The following SLC44A1 variants were observed in gnomAD, a reference collection of about 807,000 sequenced individuals.
SLC44A1 encodes the protein solute carrier family 44 member 1.
Under a neutral mutation model 79.3 loss-of-function variants are expected in SLC44A1, and 26 were observed. The observed-to-expected ratio is 0.33, with a 90% CI of 0.24 to 0.46. The LOEUF (loss-of-function observed/expected upper bound fraction) is 0.46. Ranked by LOEUF, SLC44A1 falls within the 20% of genes least tolerant of loss-of-function variation. The probability of loss-of-function intolerance (pLI) is 1.00; values close to 1 mark genes in which losing one functional copy is unlikely to be tolerated. For missense variants in SLC44A1, 688 were observed against 798.1 expected (o/e 0.86, Z 1.66); for synonymous variants, 263 against 286.2 (o/e 0.92, Z 0.82).
intron 13 of SLC44A1, among the ~76,000 whole-genome samples, chr9:105,379,746 G>T (rs1277005055): frequency 6.6e-6 from 1 of 152,122 alleles, no homozygotes; most frequent in Non-Finnish European, 1.5e-5. Flanking sequence ...AAGAATAGAG[G>T]TTTATAATCC....
chr9:105,302,960 G>A (rs932791812), intron 2 of SLC44A1, among the ~76,000 whole-genome samples: 8 of 152,208 alleles, frequency 5.3e-5, no homozygotes, highest in Non-Finnish European at 1.2e-4. Flanking sequence ...AGTGCTAAAG[G>A]AGAGGAAGAG....
chr9:105,361,933 C>T (rs1827792454), intron 8 of SLC44A1, among the ~76,000 whole-genome samples: 1 of 152,292 alleles, frequency 6.6e-6, no homozygotes, highest in Admixed American at 6.5e-5. Context: ...CACCTGTGGT[C>T]CCAGCTACTC....
At chr9:105,410,073 A>G (rs972091374) in intron 15 of SLC44A1, among the ~76,000 whole-genome samples, 1 of 152,228 alleles carries the variant, frequency 6.6e-6, no homozygotes, top group African/African-American at 2.4e-5. Context: ...TTATGAAAAT[A>G]ACAAGTAAAT....
chr9:105,404,108 A>G (rs898277048), intron 15 of SLC44A1, among the ~76,000 whole-genome samples: 1 of 151,860 alleles, frequency 6.6e-6, no homozygotes, highest in African/African-American at 2.4e-5. Context: ...AATTCCAACT[A>G]GGGCACTAGC....
intron 1 of SLC44A1, among the ~76,000 whole-genome samples, chr9:105,285,738 A>G (rs1830458696): frequency 6.6e-6 from 1 of 152,206 alleles, no homozygotes; most frequent in Non-Finnish European, 1.5e-5. Context: ...TACAGAGTAC[A>G]TTGATCAGTT....
At chr9:105,285,494 G>C (rs944171142) in intron 1 of SLC44A1, among the ~76,000 whole-genome samples, 2 of 152,196 alleles carry the variant, frequency 1.3e-5, no homozygotes, top group Admixed American at 1.3e-4. Context: ...TCCATGTGAA[G>C]AGACCACCAA....
intron 11 of SLC44A1, among the ~76,000 whole-genome samples, chr9:105,366,081 A>AT (rs1335574221): frequency 1.3e-5 from 2 of 151,886 alleles, no homozygotes; most frequent in Non-Finnish European, 2.9e-5. Flanking sequence ...TGTGTTTGGT[A>AT]TTTTTTTTCT....
chr9:105,247,397 G>A (rs1829482315), intron 1 of SLC44A1, among the ~76,000 whole-genome samples: 1 of 152,056 alleles, frequency 6.6e-6, no homozygotes, highest in Non-Finnish European at 1.5e-5. Flanking sequence ...TCCTGGGTTC[G>A]AGCGATTTTC....
intron 15 of SLC44A1, chr9:105,386,389 C>T: frequency 2.1e-6 from 2 of 974,802 alleles, no homozygotes; most frequent in Non-Finnish European, 2.4e-6. Flanking sequence ...TAATTTTAAA[C>T]AATGTGTCCC....
chr9:105,425,656 C>G (rs1434222876), intron 15 of SLC44A1, among the ~76,000 whole-genome samples: 1 of 152,124 alleles, frequency 6.6e-6, no homozygotes, highest in Non-Finnish European at 1.5e-5. Flanking sequence ...AACCCCGTCT[C>G]TACTAAAAAT....
In SLC44A1 at chr9:105,394,112, C is replaced by T. The variant is rs1828823929; in HGVS notation, c.*5056C>T. 1 of 985,272 alleles carries T rather than the reference C, an allele frequency of 1.0e-6. No individual in the cohort carries two copies. Among genetic ancestry groups the T allele is most frequent in the African/African-American group, 1.7e-5 (1 of 57,202 alleles). 61.0% of individuals were successfully genotyped at this position (985,272 alleles called of 1,614,324 possible). A position where few individuals can be genotyped will look rare whatever the true frequency, so the allele number is the denominator to read the frequency against. The stretch of plus-strand genomic sequence containing the variant: ...AAAATGCTCATAGAATTTCAGGGCC[C>T]TCAGACGGCCAGCTTCCACCCCTGT... On this transcript the variant is annotated 3_prime_UTR_variant, in exon 16 of 16. Transcript: ENST00000374720.
At chr9:105,299,840 GT>G in intron 2 of SLC44A1, 3 of 986,754 alleles carry the variant, frequency 3.0e-6, no homozygotes, top group Non-Finnish European at 3.6e-6. Context: ...TGCCTGCTGT[GT>G]CTGCTGTAAT....
Position 105,361,178 on chromosome 9 carries a change from CT to C in SLC44A1, c.761-9del, listed in dbSNP as rs773192826. 2 of 1,613,400 alleles carry C rather than the reference CT, an allele frequency of 1.2e-6. No individual in the cohort carries two copies. Among genetic ancestry groups the C allele is most frequent in the Middle Eastern group, 1.7e-4 (1 of 6,060 alleles). ...CTAATTATTGCATTAACAGTTGGGT[CT>C]TTTGTCTCCAGGAGGCACAGGTGTA... is the stretch of plus-strand genomic sequence containing the variant. On this transcript the variant is annotated splice_polypyrimidine_tract_variant and intron_variant, in intron 7 of 15. Coordinates refer to ENST00000374720, the MANE Select transcript of SLC44A1 (RefSeq NM_080546.5).
chr9:105,302,193 G>A (rs1052038733), intron 2 of SLC44A1, among the ~76,000 whole-genome samples: 7 of 151,804 alleles, frequency 4.6e-5, no homozygotes, highest in Admixed American at 1.3e-4. Context: ...CACTATTTTG[G>A]AATTACTGGG....
intron 1 of SLC44A1, among the ~76,000 whole-genome samples, chr9:105,272,261 G>A (rs1266951069): frequency 6.6e-6 from 1 of 151,738 alleles, no homozygotes; most frequent in Non-Finnish European, 1.5e-5. Flanking sequence ...TCATTTTTTT[G>A]TCTTCTTTAT....
intron 2 of SLC44A1, among the ~76,000 whole-genome samples, chr9:105,307,661 T>A (rs1242070928): frequency 7.6e-5 from 11 of 144,784 alleles, no homozygotes; most frequent in Admixed American, 5.5e-4. Flanking sequence ...AAAAAAAAAA[T>A]GTGTTGGAAA....
Position 105,395,365 on chromosome 9 carries a change from T to A in SLC44A1, c.*6309T>A, listed in dbSNP as rs1006623135. On this transcript the variant is annotated 3_prime_UTR_variant, in exon 16 of 16. Coordinates refer to ENST00000374720, the MANE Select transcript of SLC44A1 (RefSeq NM_080546.5). The stretch of plus-strand genomic sequence containing the variant: ...TCCTGAGTAGCTGGGACCACAGGCA[T>A]GTGCCACCACACCCAGCTAATTTTT... The A allele has an allele frequency of 2.3e-4, 79 of 339,586 alleles. No individual in the cohort carries two copies. Among genetic ancestry groups the A allele is most frequent in the African/African-American group, 1.7e-3 (75 of 44,848 alleles). The allele number at this position is 339,586 out of a possible 1,614,324, so 21.0% of individuals were successfully genotyped here.
Position 105,393,402 on chromosome 9 carries a change from C to CA in SLC44A1, c.*4351dup. 1.0e-6 allele frequency: 1 copy of CA among 985,246 alleles called. No individual in the cohort carries two copies. The highest frequency in any genetic ancestry group is 1.2e-6 in the Non-Finnish European group (1 of 829,796). 61.0% of individuals were successfully genotyped at this position (985,246 alleles called of 1,614,324 possible). A position where few individuals can be genotyped will look rare whatever the true frequency, so the allele number is the denominator to read the frequency against. ...AAGCTAGCAAACTTAAAAAACAAAA[C>CA]AAAAATTACACGTCGTGTACAGTTA... On this transcript the variant is annotated 3_prime_UTR_variant, in exon 16 of 16. Coordinates refer to ENST00000374720, the MANE Select transcript of SLC44A1 (RefSeq NM_080546.5).
intron 15 of SLC44A1, among the ~76,000 whole-genome samples, chr9:105,409,033 GAC>G (rs1357483312): frequency 6.6e-6 from 1 of 152,042 alleles, no homozygotes; most frequent in Non-Finnish European, 1.5e-5. Context: ...CATAAGAGAA[GAC>G]ACAGATATGA....
Sources: allele counts gnomAD v4.1 joint callset (sites outside exome capture counted in the v4.1 genomes callset), GRCh38; gene constraint gnomAD v4.1.1; transcripts MANE v1.5; gene names NCBI Gene and HGNC (gene_info 2026-07-23, HGNC 2026-07-21).